Variants in BLTP1 observed in about 807,000 individuals in gnomAD.
The protein encoded by BLTP1 is fragile site-associated protein.
the BLTP1 span, chr4:122,245,997 A>G: frequency 2.3e-6 from 1 of 425,876 alleles, no homozygotes; most frequent in East Asian, 1.6e-4. Context: ...TTCCTAGCTT[A>G]TCGAAAGTTT....
the BLTP1 span, among the ~76,000 whole-genome samples, chr4:122,180,800 C>T: frequency 6.6e-6 from 1 of 152,230 alleles, no homozygotes; most frequent in Non-Finnish European, 1.5e-5. Flanking sequence ...ACAAAACAGT[C>T]TACTGACCTT....
At chr4:122,344,176 C>A in the BLTP1 span, 2 of 382,250 alleles carry the variant, frequency 5.2e-6, no homozygotes, top group Non-Finnish European at 7.2e-6. Context: ...TTGTAAAAAT[C>A]ACCAATTATG....
At chr4:122,247,264 A>G in the BLTP1 span, 1 of 1,613,480 alleles carries the variant, frequency 6.2e-7, no homozygotes, top group African/African-American at 1.3e-5. Context: ...TGGATCTCTC[A>G]GATCAAATGC....
the BLTP1 span, chr4:122,328,638 GTAAAT>G: frequency 1.0e-6 from 1 of 982,560 alleles, no homozygotes; most frequent in South Asian, 4.7e-5. Context: ...GTGGTTACGA[GTAAAT>G]TAAAGGAGAG....
At chr4:122,346,020 C>T in the BLTP1 span, 1 of 984,926 alleles carries the variant, frequency 1.0e-6, no homozygotes, top group East Asian at 1.1e-4. Context: ...TGGTAGACAA[C>T]TGACTTAGCG....
At chr4:122,318,334 A>G in the BLTP1 span, 10 of 1,288,192 alleles carry the variant, frequency 7.8e-6, no homozygotes, top group African/African-American at 3.0e-5. Context: ...TATCATATCT[A>G]CTGCGTACCA....
chr4:122,199,537 A>G, the BLTP1 span: 4 of 1,124,594 alleles, frequency 3.6e-6, no homozygotes, highest in Non-Finnish European at 5.2e-6. Context: ...GTAACCAGGA[A>G]ATCATCAAAT....
At chr4:122,277,581 TC>T in the BLTP1 span, 10 of 955,870 alleles carry the variant, frequency 1.0e-5, no homozygotes, top group Admixed American at 6.2e-5. Flanking sequence ...AAAGATCGTA[TC>T]TTTGCTTTAT....
the BLTP1 span, among the ~76,000 whole-genome samples, chr4:122,212,739 GCC>G: frequency 6.6e-6 from 1 of 152,226 alleles, no homozygotes; most frequent in South Asian, 2.1e-4. Flanking sequence ...TGCAGATGTA[GCC>G]ATTGCTGATA....
chr4:122,169,554 G>C, the BLTP1 span: 2 of 833,496 alleles, frequency 2.4e-6, no homozygotes, highest in Non-Finnish European at 2.9e-6. Context: ...ATGTTACTAT[G>C]GTATTATGAA....
chr4:122,261,953 C>T, the BLTP1 span: 1 of 985,340 alleles, frequency 1.0e-6, no homozygotes, highest in Non-Finnish European at 1.2e-6. Flanking sequence ...TTAAGGGCTT[C>T]ACAGCACTGG....
chr4:122,262,828 A>G, the BLTP1 span: 32 of 1,613,736 alleles, frequency 2.0e-5, no homozygotes, highest in Admixed American at 1.7e-5. Context: ...TCTCCAGTGC[A>G]TGTTGGACGT....
At chr4:122,249,336 T>G in the BLTP1 span, 1 of 1,267,514 alleles carries the variant, frequency 7.9e-7, no homozygotes, top group South Asian at 1.8e-5. Flanking sequence ...ATTCTAAAAG[T>G]TAGCTCATTT....
chr4:122,318,003 T>G, the BLTP1 span: 1 of 747,946 alleles, frequency 1.3e-6, no homozygotes, highest in South Asian at 2.2e-5. Context: ...TCGCCAAATA[T>G]GAGTGTTAAG....
At chr4:122,275,927 G>A in the BLTP1 span, 1 of 1,496,578 alleles carries the variant, frequency 6.7e-7, no homozygotes, top group Non-Finnish European at 8.9e-7. Context: ...ATGTTTATTT[G>A]CCTCCTTTTT....
chr4:122,255,428 G>A, the BLTP1 span: 18 of 584,236 alleles, frequency 3.1e-5, no homozygotes, highest in African/African-American at 1.2e-4. Flanking sequence ...AGGCTGAGGC[G>A]GTTGGATCAT....
the BLTP1 span, among the ~76,000 whole-genome samples, chr4:122,154,695 A>G: frequency 4.6e-5 from 7 of 152,126 alleles, no homozygotes; most frequent in Admixed American, 4.6e-4. Context: ...AACATGGTGA[A>G]ACCCCGTGTC....
At chr4:122,347,899 CAAA>C in the BLTP1 span, 5,357 of 397,426 alleles carry the variant, frequency 0.013, 24 homozygotes, top group African/African-American at 0.051. Flanking sequence ...TATGACACGT[CAAA>C]AAAAAAAAAA....
the BLTP1 span, chr4:122,220,346 A>T: frequency 1.2e-6 from 2 of 1,612,960 alleles, no homozygotes; most frequent in African/African-American, 2.7e-5. Context: ...GGAACTACTG[A>T]TGGTCCTGAA....
Sources: allele counts gnomAD v4.1 joint callset (sites outside exome capture counted in the v4.1 genomes callset), GRCh38; gene constraint gnomAD v4.1.1; transcripts MANE v1.5; gene names NCBI Gene and HGNC (gene_info 2026-07-23, HGNC 2026-07-21).